Variants in TSPAN9 observed in about 807,000 individuals in gnomAD.
TSPAN9 encodes tetraspanin-9.
TSPAN9 carries 16 observed loss-of-function variants against 31.0 expected under a neutral mutation model. That is an observed-to-expected ratio of 0.52 (90% CI 0.35 to 0.78). TSPAN9 has a LOEUF of 0.78. Ranked by LOEUF, TSPAN9 falls within the 30% of genes least tolerant of loss-of-function variation. The pLI is 0.01. For synonymous variants in TSPAN9, 145 were observed against 121.6 expected (o/e 1.19, Z -1.27); for missense variants, 272 against 312.5 (o/e 0.87, Z 0.98).
intron 2 of TSPAN9, among the ~76,000 whole-genome samples, chr12:3,084,493 T>C (rs896294779): frequency 3.3e-5 from 5 of 152,158 alleles, no homozygotes; most frequent in East Asian, 3.9e-4. Flanking sequence ...TGGTGGCTCA[T>C]CTTGCCAAAG....
intron 3 of TSPAN9, among the ~76,000 whole-genome samples, chr12:3,235,370 T>A (rs1245852007): frequency 4.0e-5 from 6 of 148,718 alleles, no homozygotes; most frequent in Non-Finnish European, 7.4e-5. Flanking sequence ...GCCGGAAGCC[T>A]GGAGCCATGG....
chr12:3,237,501 C>G (rs2098394426), intron 3 of TSPAN9, among the ~76,000 whole-genome samples: 1 of 152,236 alleles, frequency 6.6e-6, no homozygotes, highest in African/African-American at 2.4e-5. Context: ...AATTCCTTCC[C>G]TCCTCCCTCA....
intron 2 of TSPAN9, among the ~76,000 whole-genome samples, chr12:3,156,963 C>T (rs1032849514): frequency 3.9e-5 from 6 of 152,140 alleles, no homozygotes; most frequent in Non-Finnish European, 7.4e-5. Flanking sequence ...GCATTTTGAC[C>T]TTGAGTAACT....
intron 3 of TSPAN9, among the ~76,000 whole-genome samples, chr12:3,248,929 C>G (rs1209142664): frequency 6.6e-6 from 1 of 152,022 alleles, no homozygotes; most frequent in Admixed American, 6.5e-5. Context: ...CCTCTGTCTG[C>G]CCCCCTCCGT....
intron 7 of TSPAN9, 141 bp downstream of exon 7, chr12:3,281,470 A>C: frequency 1.6e-6 from 2 of 1,259,184 alleles, no homozygotes; most frequent in Non-Finnish European, 2.1e-6. Flanking sequence ...AAATAAAGCC[A>C]AAAGACAGGT....
chr12:3,274,656 C>A (rs373315476), intron 3 of TSPAN9, among the ~76,000 whole-genome samples: 1 of 152,242 alleles, frequency 6.6e-6, no homozygotes. Flanking sequence ...CTTGTCCCCC[C>A]GCTTAGCTTC....
intron 2 of TSPAN9, among the ~76,000 whole-genome samples, chr12:3,175,480 G>A (rs917154033): frequency 1.4e-4 from 22 of 152,180 alleles, no homozygotes; most frequent in African/African-American, 4.6e-4. Flanking sequence ...CCAAGGGAAA[G>A]CCAGGCACCT....
intron 3 of TSPAN9, among the ~76,000 whole-genome samples, chr12:3,264,330 C>T (rs941750772): frequency 1.7e-4 from 26 of 152,344 alleles, no homozygotes; most frequent in African/African-American, 6.3e-4. Context: ...TCCCGCCCGC[C>T]AGCCCGCCTC....
intron 2 of TSPAN9, among the ~76,000 whole-genome samples, chr12:3,144,141 C>T (rs1329739775): frequency 6.6e-6 from 1 of 152,084 alleles, no homozygotes; most frequent in Non-Finnish European, 1.5e-5. Context: ...CTTGCTGTCA[C>T]CCAGGCTGGA....
At chr12:3,097,565 G>C (rs1184895288) in intron 2 of TSPAN9, among the ~76,000 whole-genome samples, 1 of 152,194 alleles carries the variant, frequency 6.6e-6, no homozygotes, top group Non-Finnish European at 1.5e-5. Context: ...AGGGGGCAGG[G>C]GAAGAGAGGG....
intron 3 of TSPAN9, among the ~76,000 whole-genome samples, chr12:3,217,372 T>A (rs1314464828): frequency 1.3e-5 from 2 of 152,174 alleles, no homozygotes; most frequent in Admixed American, 1.3e-4. Flanking sequence ...TTCTCTGACA[T>A]CTGTCTAGCT....
chr12:3,131,818 G>A (rs1267405583), intron 2 of TSPAN9, among the ~76,000 whole-genome samples: 2 of 152,152 alleles, frequency 1.3e-5, no homozygotes, highest in Non-Finnish European at 2.9e-5. Flanking sequence ...TTTAAAGTGT[G>A]TAATTCGATG....
rs1742947116 is a variant in TSPAN9, at chr12:3,230,813, T to C, written c.63+29557T>C. ...CCGATCCTCAGTTCCCCCGAGGAGA[T>C]ATCAAGTTGTTGGAAGGCTCACCTG... On this transcript the variant is annotated intron_variant, in intron 3 of 8. Transcript: ENST00000011898. Among the ~76,000 whole-genome samples the C allele has an allele frequency of 1.3e-5, 2 of 152,050 alleles. 1 individual carries two copies. The highest frequency in any genetic ancestry group is 4.1e-4 in the South Asian group (2 of 4,824).
chr12:3,210,205 C>T (rs1248471893), intron 3 of TSPAN9, among the ~76,000 whole-genome samples: 1 of 151,910 alleles, frequency 6.6e-6, no homozygotes, highest in African/African-American at 2.4e-5. Flanking sequence ...AGGAGCACTG[C>T]TCTGGGTATA....
At chr12:3,238,480 A>G (rs1185641781) in intron 3 of TSPAN9, among the ~76,000 whole-genome samples, 1 of 152,164 alleles carries the variant, frequency 6.6e-6, no homozygotes, top group African/African-American at 2.4e-5. Context: ...TGAGTTTATT[A>G]GGTCCGGCTC....
At chr12:3,277,699 G>A (rs767772880) in intron 3 of TSPAN9, among the ~76,000 whole-genome samples, 1 of 152,162 alleles carries the variant, frequency 6.6e-6, no homozygotes, top group Non-Finnish European at 1.5e-5. Context: ...AGCTGGTGGC[G>A]CCGGCAGCCC....
rs564268347 is a variant in TSPAN9, at chr12:3,192,106, G to A, written c.-17-9071G>A. On this transcript the variant is annotated intron_variant, in intron 2 of 8. Transcript: ENST00000011898. This position sits in a 1 kb window ranked among gnomAD's most constrained non-coding sequence, Gnocchi z 4.6. ...CGGCTGTGGCAATAATGGGTGAGCA[G>A]AGAATGTTGGACGGGGGCTGGAGAG... is the stretch of plus-strand genomic sequence containing the variant. Among the ~76,000 whole-genome samples the A allele has an allele frequency of 6.6e-6, 1 of 152,288 alleles. No homozygotes were observed. The highest frequency in any genetic ancestry group is 6.5e-5 in the Admixed American group (1 of 15,300).
intron 2 of TSPAN9, among the ~76,000 whole-genome samples, chr12:3,148,552 G>A (rs548727538): frequency 6.6e-6 from 1 of 152,314 alleles, no homozygotes; most frequent in African/African-American, 2.4e-5. Flanking sequence ...GCGTGGCCGT[G>A]GTTGTGTGGG....
At chr12:3,133,231 A>T (rs1445219733) in intron 2 of TSPAN9, among the ~76,000 whole-genome samples, 1 of 152,098 alleles carries the variant, frequency 6.6e-6, no homozygotes, top group Non-Finnish European at 1.5e-5. Context: ...CCATCCCGGA[A>T]AAAGAGGGGT....
Sources: allele counts gnomAD v4.1 joint callset (sites outside exome capture counted in the v4.1 genomes callset), GRCh38; gene constraint gnomAD v4.1.1; non-coding constraint Gnocchi (gnomAD v3.1); transcripts MANE v1.5; gene names NCBI Gene and HGNC (gene_info 2026-07-23, HGNC 2026-07-21).